The following NUDT4 variants were observed in gnomAD, a reference collection of about 807,000 sequenced individuals.
The protein encoded by NUDT4 is diphosphoinositol polyphosphate phosphohydrolase 2.
In NUDT4, 5 loss-of-function variants were observed where a neutral mutation model predicts 23.1. The observed-to-expected ratio is 0.22, with a 90% confidence interval of 0.11 to 0.46. The LOEUF (loss-of-function observed/expected upper bound fraction) is 0.46. Among genes scored for constraint, NUDT4 ranks in the 20% least tolerant of loss-of-function variants. The pLI, the probability that NUDT4 is intolerant of heterozygous loss-of-function variation, is 0.99. For missense variants in NUDT4, 96 were observed against 211.6 expected, an observed-to-expected ratio of 0.45 and a Z score of 3.39; for synonymous variants, 50 against 79.0, an observed-to-expected ratio of 0.63 and a Z score of 1.95.
In NUDT4 at chr12:93,402,289, A is replaced by G. The variant is rs1057318533; in HGVS notation, c.*2910A>G. ...ATGGAAAAAATGATCATGGCTTTAA[A>G]AAAAAAACAAAAACACACACACATG... On this transcript the variant is annotated 3_prime_UTR_variant, in exon 5 of 5. Coordinates refer to ENST00000415493, the MANE Select transcript of NUDT4 (RefSeq NM_019094.6). 2 of 152,190 alleles carry G rather than the reference A, an allele frequency of 1.3e-5. No individual in the cohort carries two copies. The highest frequency in any genetic ancestry group is 4.8e-5 in the African/African-American group (2 of 41,450). The allele number at this position is 152,190 out of a possible 1,614,324, so 9.4% of individuals were successfully genotyped here.
In NUDT4 at chr12:93,400,169, C is replaced by T. The variant is rs1877279011; in HGVS notation, c.*790C>T. 6.6e-6 allele frequency: 1 copy of T among 151,814 alleles called. No homozygotes were observed. Among genetic ancestry groups the T allele is most frequent in the African/African-American group, 2.4e-5 (1 of 41,224 alleles). The allele number at this position is 151,814 out of a possible 1,614,324, so 9.4% of individuals were successfully genotyped here. On this transcript the variant is annotated 3_prime_UTR_variant, in exon 5 of 5. Transcript: ENST00000415493. ...TTTAGCATGCTCAGTTGCCAGTTCC[C>T]ATTATCGATACTCTTTCTTTGCAGA...
chr12:93,395,600 T>G, intron 3 of NUDT4, 67 bp downstream of exon 3: 1 of 1,239,552 alleles, frequency 8.1e-7, no homozygotes, highest in Non-Finnish European at 1.2e-6. Context: ...ACCAACCAAA[T>G]AATGTGGCAG....
At chr12:93,397,238 A>T (rs1876999613) in intron 3 of NUDT4, among the ~76,000 whole-genome samples, 1 of 152,218 alleles carries the variant, frequency 6.6e-6, no homozygotes, top group South Asian at 2.1e-4. Context: ...GATTTGTGAG[A>T]CATAGAAATA....
At chr12:93,381,313 GC>G (rs1216228009) in intron 1 of NUDT4, among the ~76,000 whole-genome samples, 1 of 152,212 alleles carries the variant, frequency 6.6e-6, no homozygotes, top group Non-Finnish European at 1.5e-5. Flanking sequence ...CTGTGGGGAA[GC>G]ACCCTCAGTT....
At chr12:93,395,407 T>C in intron 2 of NUDT4, 82 bp from the exon 3 acceptor site, 1 of 985,308 alleles carries the variant, frequency 1.0e-6, no homozygotes, top group Non-Finnish European at 1.6e-6. Flanking sequence ...TAGATTTAAG[T>C]AAATAGCCAG....
At chr12:93,390,975 G>T (rs551137128) in intron 1 of NUDT4, among the ~76,000 whole-genome samples, 10 of 152,234 alleles carry the variant, frequency 6.6e-5, no homozygotes, top group Admixed American at 1.3e-4. Context: ...CTTGAGAGAA[G>T]GGTGGGAGTT....
intron 1 of NUDT4, among the ~76,000 whole-genome samples, chr12:93,393,150 A>G (rs1592723747): frequency 8.1e-6 from 1 of 123,244 alleles, no homozygotes; most frequent in East Asian, 2.5e-4. Flanking sequence ...GCTGGAGTGC[A>G]GTGGTGCAAT....
chr12:93,397,538 T>A (rs1877019804), intron 3 of NUDT4, among the ~76,000 whole-genome samples: 1 of 152,246 alleles, frequency 6.6e-6, no homozygotes, highest in South Asian at 2.1e-4. Flanking sequence ...TTTATGTTTT[T>A]TTTTTTTAGA....
chr12:93,397,772 G>A (rs970840329), intron 3 of NUDT4, among the ~76,000 whole-genome samples: 11 of 152,158 alleles, frequency 7.2e-5, no homozygotes, highest in South Asian at 2.1e-4. Context: ...TGATCTGCCC[G>A]CCTTGGCCTC....
rs1321239987 is a variant in NUDT4, at chr12:93,407,986, CTTCTAT to C, written c.*8608_*8613del. ...GAAATGAAAATGACTTATTTCTGTA[CTTCTAT>C]AACTCACAAATTTAGCAGACATCAT... On this transcript the variant is annotated 3_prime_UTR_variant, in exon 5 of 5. Transcript: ENST00000415493. The C allele has an allele frequency of 1.3e-5, 2 of 152,182 alleles. No individual in the cohort carries two copies. The highest frequency in any genetic ancestry group is 4.8e-5 in the African/African-American group (2 of 41,432). The allele number at this position is 152,182 out of a possible 1,614,324, so 9.4% of individuals were successfully genotyped here. A position where few individuals can be genotyped will look rare whatever the true frequency, so the allele number is the denominator to read the frequency against.
intron 1 of NUDT4, among the ~76,000 whole-genome samples, chr12:93,393,142 T>A (rs1390434565): frequency 7.3e-6 from 1 of 137,758 alleles, no homozygotes; most frequent in Non-Finnish European, 1.6e-5. Flanking sequence ...TTGCCCAGGC[T>A]GGAGTGCAGT....
intron 1 of NUDT4, among the ~76,000 whole-genome samples, chr12:93,382,220 T>TGGA (rs1231608321): frequency 6.8e-6 from 1 of 146,700 alleles, no homozygotes; most frequent in Non-Finnish European, 1.5e-5. Context: ...GCCGAGATCA[T>TGGA]GCCATTGCAC....
At chr12:93,388,653 T>G (rs1876274042) in intron 1 of NUDT4, among the ~76,000 whole-genome samples, 1 of 152,220 alleles carries the variant, frequency 6.6e-6, no homozygotes, top group Admixed American at 6.5e-5. Context: ...GCTAGCCCAT[T>G]TTCATGATTC....
At chr12:93,398,578 CTGTT>C (rs1356875850) in intron 3 of NUDT4, among the ~76,000 whole-genome samples, 189 bp from the exon 4 acceptor site, 1 of 152,100 alleles carries the variant, frequency 6.6e-6, no homozygotes, top group Non-Finnish European at 1.5e-5. Context: ...TTCTAGTCTT[CTGTT>C]TAACTTTTAA....
Position 93,408,053 on chromosome 12 carries a change from G to T in NUDT4, c.*8674G>T, listed in dbSNP as rs565684259. The T allele has an allele frequency of 6.6e-6, 1 of 152,144 alleles. No individual in the cohort carries two copies. Among genetic ancestry groups the T allele is most frequent in the Non-Finnish European group, 1.5e-5 (1 of 68,018 alleles). The allele number at this position is 152,144 out of a possible 1,614,324, so 9.4% of individuals were successfully genotyped here. On this transcript the variant is annotated 3_prime_UTR_variant, in exon 5 of 5. Coordinates refer to ENST00000415493, the MANE Select transcript of NUDT4 (RefSeq NM_019094.6). The stretch of plus-strand genomic sequence containing the variant: ...TTGTAGTGCAACAGATTTAAATCTG[G>T]AATTTCATGGTTTGTAAATCACTAT...
At chr12:93,385,968 T>TATATATATATATAC (rs1555193197) in intron 1 of NUDT4, among the ~76,000 whole-genome samples, 6 of 133,600 alleles carry the variant, frequency 4.5e-5, no homozygotes, top group Admixed American at 1.6e-4. Context: ...TATATATATA[T>TATATATATATATAC]ATACATAATT....
At chr12:93,393,896 A>C (rs748566715) in intron 1 of NUDT4, among the ~76,000 whole-genome samples, 1 of 152,224 alleles carries the variant, frequency 6.6e-6, no homozygotes, top group Non-Finnish European at 1.5e-5. Context: ...AGGTGAGGAA[A>C]CAAGGTAACC....
In NUDT4 at chr12:93,404,156, ATTAT is replaced by A. The variant is rs1489372712; in HGVS notation, c.*4782_*4785del. ...AGTGAAGTACTTTCATTTGGCCATC[ATTAT>A]TTATCAACCTTAAGAAACATGCCTA... On this transcript the variant is annotated 3_prime_UTR_variant, in exon 5 of 5. Transcript: ENST00000415493. 4.0e-5 allele frequency: 6 copies of A among 151,292 alleles called. No homozygotes were observed. The highest frequency in any genetic ancestry group is 9.9e-5 in the African/African-American group (4 of 40,604). The allele number at this position is 151,292 out of a possible 1,614,324, so 9.4% of individuals were successfully genotyped here. A position where few individuals can be genotyped will look rare whatever the true frequency, so the allele number is the denominator to read the frequency against.
Position 93,398,298 on chromosome 12 carries a change from G to A in NUDT4, c.256-473G>A, listed in dbSNP as rs147985318. 4.8e-3 allele frequency among the ~76,000 whole-genome samples: 659 copies of A among 137,288 alleles called. 4 individuals are homozygous for A. The highest frequency in any genetic ancestry group is 0.017 in the African/African-American group (610 of 36,412). 90.1% of individuals were successfully genotyped at this position (137,288 alleles called of 152,430 possible). A position where few individuals can be genotyped will look rare whatever the true frequency, so the allele number is the denominator to read the frequency against. On this transcript the variant is annotated intron_variant, in intron 3 of 4. Coordinates refer to ENST00000415493, the MANE Select transcript of NUDT4 (RefSeq NM_019094.6). ...GAGATTGTGGGGGAGCTGAGATCAC[G>A]CCACTGTACTCCTGGGCAACAAAGC...
Sources: gnomAD v4.1 joint callset for allele counts (sites outside exome capture counted in the v4.1 genomes callset) on GRCh38, gnomAD v4.1.1 for gene constraint, MANE v1.5 for transcripts, NCBI Gene and HGNC (gene_info 2026-07-23, HGNC 2026-07-21) for gene names.